Variants in SLC25A25 observed in about 807,000 individuals in gnomAD.
The protein encoded by SLC25A25 is mitochondrial adenyl nucleotide antiporter SLC25A25.
SLC25A25 carries 32 observed loss-of-function variants against 57.7 expected under a neutral mutation model. The observed-to-expected ratio is 0.55, with a 90% CI of 0.42 to 0.74. The LOEUF (loss-of-function observed/expected upper bound fraction) is 0.74. SLC25A25 is among the 30% of genes least tolerant of loss of function. The pLI, the probability that SLC25A25 is intolerant of heterozygous loss-of-function variation, is 0.00. For synonymous variants in SLC25A25, 306 were observed against 291.2 expected (o/e 1.05, Z -0.52); for missense variants, 556 against 701.3 (o/e 0.79, Z 2.34).
At chr9:128,087,252 T>C (rs1705685346) in intron 1 of SLC25A25, among the ~76,000 whole-genome samples, 1 of 152,104 alleles carries the variant, frequency 6.6e-6, no homozygotes, top group Non-Finnish European at 1.5e-5. Context: ...GTCATTCTTT[T>C]ATTTTATTGT....
Position 128,103,809 on chromosome 9 carries a change from C to G in SLC25A25, c.753C>G (p.Ala251=). The part of the protein sequence containing the change: ...GAGAVSRTCT[A]PLDRLKVLMQ... ...GGGCCGTATCCAGAACCTGCACGGCCCCCCTGGACAGGCTCAAGGTGCTCA... is the reference window on the plus strand; with the variant it reads ...GGGCCGTATCCAGAACCTGCACGGCGCCCCTGGACAGGCTCAAGGTGCTCA... Residue 251 remains alanine, a synonymous_variant, in exon 6 of 11, where the codon GCC becomes GCG. Transcript: ENST00000373069. This position sits in a 1 kb window ranked among gnomAD's most constrained non-coding sequence, Gnocchi z 6.7. 1 of 1,610,596 alleles carries G rather than the reference C, an allele frequency of 6.2e-7. No individual in the cohort carries two copies. The highest frequency in any genetic ancestry group is 1.3e-5 in the African/African-American group (1 of 74,994).
At position 128,106,966 on chromosome 9, in the gene SLC25A25, C is replaced by T. The variant is rs1834067195; in HGVS notation, c.1213-63C>T. ...AGTGGCCTGAGGACCCAGTAACAGC[C>T]CCGTCTCTTGCTGCCTCACTAGCCC... is the stretch of plus-strand genomic sequence containing the variant. On this transcript the variant is annotated intron_variant, in intron 9 of 10. Coordinates refer to ENST00000373069, the MANE Select transcript of SLC25A25 (RefSeq NM_001330988.2). 4.5e-6 allele frequency: 7 copies of T among 1,564,792 alleles called. No homozygotes were observed. In the South Asian group the frequency reaches 8.2e-5, roughly 18 times the overall value.
At chr9:128,080,644 C>T (rs1833135777) in intron 1 of SLC25A25, among the ~76,000 whole-genome samples, 1 of 151,906 alleles carries the variant, frequency 6.6e-6, no homozygotes, top group South Asian at 2.1e-4. Flanking sequence ...AGGCTGGTCT[C>T]GAACTCCCAA....
At position 128,107,149 on chromosome 9, in the gene SLC25A25, G is replaced by A. The variant is rs1758177544; in HGVS notation, c.1333G>A (p.Ala445Thr). The change falls in exon 10 of 11, where the codon GCC becomes ACC. Residue 445 changes from alanine to threonine, a missense_variant. This residue lies in a region of SLC25A25 where 294 missense variants were observed against 389.6 expected (regional missense o/e 0.75). Transcript: ENST00000373069. The part of the protein sequence containing the change: ...TCGQLASYPL[A>T]LVRTRMQAQA... Reference sequence around the variant, plus strand: ...TGGCCAGCTGGCCAGCTACCCCCTGGCCCTAGTCAGGACCCGGATGCAGGC... The same window carrying A: ...TGGCCAGCTGGCCAGCTACCCCCTGACCCTAGTCAGGACCCGGATGCAGGC... 4 of 1,613,808 alleles carry A rather than the reference G, an allele frequency of 2.5e-6. No individual in the cohort carries two copies. The highest frequency in any genetic ancestry group is 1.7e-5 in the Admixed American group (1 of 60,000).
intron 1 of SLC25A25, among the ~76,000 whole-genome samples, chr9:128,083,060 C>T (rs1253189867): frequency 1.3e-5 from 2 of 151,836 alleles, no homozygotes; most frequent in African/African-American, 2.4e-5. Flanking sequence ...AACTCCATCT[C>T]TACTAAAAAA....
chr9:128,088,550 C>G (rs1308043557), intron 1 of SLC25A25, among the ~76,000 whole-genome samples: 1 of 152,212 alleles, frequency 6.6e-6, no homozygotes, highest in Non-Finnish European at 1.5e-5. Context: ...TGCACCTAGA[C>G]TGGAAGCTCC....
rs1833854203 is a variant in SLC25A25 at position 128,102,674 on chromosome 9, A to G, written c.624+193A>G. On this transcript the variant is annotated intron_variant, in intron 5 of 10. Coordinates refer to ENST00000373069, the MANE Select transcript of SLC25A25 (RefSeq NM_001330988.2). The surrounding 1 kb of genome is among the most constrained non-coding windows in gnomAD (Gnocchi z 4.1). ...ATGTTCTGGCACTCCAGCCAACCTG[A>G]ACAGCCCCATCGTTCACACACACAG... Among the ~76,000 whole-genome samples the G allele has an allele frequency of 6.6e-6, 1 of 152,108 alleles. No homozygotes were observed. The highest frequency in any genetic ancestry group is 1.5e-5 in the Non-Finnish European group (1 of 68,004).
At chr9:128,069,955 T>C (rs1832865932) in intron 1 of SLC25A25, among the ~76,000 whole-genome samples, 1 of 140,438 alleles carries the variant, frequency 7.1e-6, no homozygotes, top group South Asian at 2.3e-4. Context: ...TCTCACTCTG[T>C]CACCCAGGCT....
chr9:128,084,932 G>A (rs1833242560), intron 1 of SLC25A25, among the ~76,000 whole-genome samples: 1 of 152,102 alleles, frequency 6.6e-6, no homozygotes, highest in Non-Finnish European at 1.5e-5. Flanking sequence ...GTCTATCCTT[G>A]GATATGGGTG....
chr9:128,105,641 G>A (rs1172601625), intron 6 of SLC25A25, 88 bp from the exon 7 acceptor site: 90 of 1,596,628 alleles, frequency 5.6e-5, no homozygotes, highest in Middle Eastern at 2.3e-4. Context: ...CCCTTTGGCC[G>A]CAGCCGGTTG....
At chr9:128,070,109 T>G (rs1300745916) in intron 1 of SLC25A25, among the ~76,000 whole-genome samples, 5 of 106,214 alleles carry the variant, frequency 4.7e-5, no homozygotes, top group African/African-American at 2.1e-4. Context: ...TTTTTTTTTT[T>G]TGAGACAGTC....
At chr9:128,080,481 CT>C (rs11445322) in intron 1 of SLC25A25, among the ~76,000 whole-genome samples, 2,072 of 141,762 alleles carry the variant, frequency 0.015, 54 homozygotes, top group African/African-American at 0.05. Context: ...CCTTGTTGGG[CT>C]TTTTTTTTTT....
chr9:128,068,240 C>T lies in SLC25A25; in HGVS notation c.-80C>T, dbSNP rs555500539. ...AGCCCGCGCTCCCAGCTGCAGAGCG[C>T]CTGGCTTGCCTCCCGCGCGGTCACC... On this transcript the variant is annotated 5_prime_UTR_variant, in exon 1 of 11. Transcript: ENST00000373069. 3.1e-5 allele frequency: 25 copies of T among 806,468 alleles called. No individual in the cohort carries two copies. The South Asian group carries it at 1.2e-3, about 38-fold the overall frequency. The allele number at this position is 806,468 out of a possible 1,614,324, so 50.0% of individuals were successfully genotyped here.
intron 1 of SLC25A25, among the ~76,000 whole-genome samples, chr9:128,072,889 G>GAAA (rs1355571121): frequency 6.6e-6 from 1 of 152,194 alleles, no homozygotes; most frequent in African/African-American, 2.4e-5. Context: ...ATTAGAGGAA[G>GAAA]AAAGCAAGCT....
At chr9:128,089,696 G>A (rs1453206332) in intron 1 of SLC25A25, among the ~76,000 whole-genome samples, 1 of 149,070 alleles carries the variant, frequency 6.7e-6, no homozygotes, top group Non-Finnish European at 1.5e-5. Context: ...GCAGTGGCAC[G>A]ATGATGGCTC....
rs183524776 is a variant in SLC25A25, at chr9:128,079,634, G to A, written c.261+11054G>A. On this transcript the variant is annotated intron_variant, in intron 1 of 10. Coordinates refer to ENST00000373069, the MANE Select transcript of SLC25A25 (RefSeq NM_001330988.2). ...AAAAAAAAAAAAAAAAAAATTAGCCGGGCCTGGTGGCGCATGCCTGTAATC... is the reference window on the plus strand; with the variant it reads ...AAAAAAAAAAAAAAAAAAATTAGCCAGGCCTGGTGGCGCATGCCTGTAATC... 6.1e-3 allele frequency among the ~76,000 whole-genome samples: 910 copies of A among 147,980 alleles called. 22 individuals are homozygous for A. The highest frequency in any genetic ancestry group is 0.022 in the African/African-American group (865 of 39,038).
intron 1 of SLC25A25, among the ~76,000 whole-genome samples, chr9:128,096,129 C>T (rs897196449): frequency 1.3e-5 from 2 of 152,092 alleles, no homozygotes; most frequent in African/African-American, 4.8e-5. Flanking sequence ...AGGGCAACAT[C>T]TCATTTTATA....
chr9:128,101,025 T>A lies in SLC25A25; in HGVS notation c.262-71T>A. The A allele has an allele frequency of 6.2e-7, 1 of 1,600,778 alleles. No homozygotes were observed. The highest frequency in any genetic ancestry group is 8.5e-7 in the Non-Finnish European group (1 of 1,173,608). ...AATTAGTGAAGTCATTGCCTGGGGA[T>A]GGGGCCCCACAAGGGACAAGGAAAG... On this transcript the variant is annotated intron_variant, in intron 1 of 10. Transcript: ENST00000373069. This position sits in a 1 kb window ranked among gnomAD's most constrained non-coding sequence, Gnocchi z 4.9.
rs2130828632 is a variant in SLC25A25, at chr9:128,106,405, T to C, written c.1097T>C (p.Leu366Pro). ...AAGACAGGCCAGTACTCAGGAATGC[T>C]GGACTGCGCCAGGAGGATCCTGGCC... ...LRKTGQYSGM[L>P]DCARRILARE... The change falls in exon 9 of 11, where the codon CTG becomes CCG. Residue 366 changes from leucine (L) to proline (P), a missense_variant. Coordinates refer to ENST00000373069, the MANE Select transcript of SLC25A25 (RefSeq NM_001330988.2). 6.2e-7 allele frequency: 1 copy of C among 1,613,776 alleles called. No individual in the cohort carries two copies.
Sources: allele counts gnomAD v4.1 joint callset (sites outside exome capture counted in the v4.1 genomes callset), GRCh38; gene constraint gnomAD v4.1.1; regional missense constraint gnomAD v4.1.1; non-coding constraint Gnocchi (gnomAD v3.1); transcripts MANE v1.5; gene names NCBI Gene and HGNC (gene_info 2026-07-23, HGNC 2026-07-21).